NOB1: variants seen among roughly 807,000 people sequenced by gnomAD.
NOB1 encodes NIN1 (RPN12) binding protein 1 homolog.
NOB1 carries 44 observed loss-of-function variants against 44.8 expected under a neutral mutation model. That is an observed-to-expected ratio of 0.98 (90% CI 0.77 to 1.26). NOB1 has a LOEUF of 1.26. NOB1 is among the 50% of genes most tolerant of loss of function. The probability of loss-of-function intolerance (pLI) is 0.00; values close to 1 mark genes in which losing one functional copy is unlikely to be tolerated. For missense variants in NOB1, 560 were observed against 544.8 expected (o/e 1.03, Z -0.28); for synonymous variants, 238 against 218.7 (o/e 1.09, Z -0.78).
intron 7 of NOB1, among the ~76,000 whole-genome samples, chr16:69,746,671 C>G (rs1239305435): frequency 6.6e-6 from 1 of 150,524 alleles, no homozygotes; most frequent in Non-Finnish European, 1.5e-5. Context: ...TTTGGGAGGC[C>G]GAGGCAGGCA....
rs143835069 is a variant in NOB1 at position 69,749,032 on chromosome 16, G to A, written c.612C>T (p.Asp204=). 97 of 1,614,206 alleles carry A rather than the reference G, an allele frequency of 6.0e-5. No homozygotes were observed. Among genetic ancestry groups the A allele is most frequent in the African/African-American group, 2.9e-4 (22 of 75,070 alleles). The part of the protein sequence containing the change: ...FEDRKDDSDD[D]GGGWITPSNI... ...TACTGGGGGTTATCCAGCCACCCCC[G>A]TCGTCATCGCTGTCATCTTTTCTGT... The change falls in exon 6 of 9, where the codon GAC becomes GAT. Residue 204 remains aspartate, a synonymous_variant. Transcript: ENST00000268802.
In NOB1 at chr16:69,742,300, G is replaced by A. The variant is rs762987809; in HGVS notation, c.*32C>T. The A allele has an allele frequency of 2.4e-5, 39 of 1,597,944 alleles. No individual in the cohort carries two copies. Among genetic ancestry groups the A allele is most frequent in the Non-Finnish European group, 2.7e-5 (32 of 1,168,886 alleles). On this transcript the variant is annotated 3_prime_UTR_variant, in exon 9 of 9. Coordinates refer to ENST00000268802, the MANE Select transcript of NOB1 (RefSeq NM_014062.3). ...CACCGGAACTCCACGGCGGCCAGAC[G>A]CCCATCCAATTTGCCTGCGGGAACT... is the stretch of plus-strand genomic sequence containing the variant.
At position 69,742,510 on chromosome 16, in the gene NOB1, T is replaced by G; in HGVS notation, c.1061A>C (p.Lys354Thr). The part of the protein sequence containing the change: ...QRFPQLRLSQ[K>T]ARQKTNVFAP... ...GAACACGTTGGTTTTCTGCCTGGCCTTTTGGGAGAGTCGCAGCTGAGGGAA... is the reference window on the plus strand; with the variant it reads ...GAACACGTTGGTTTTCTGCCTGGCCGTTTGGGAGAGTCGCAGCTGAGGGAA... Residue 354 changes from lysine (K) to threonine (T), a missense_variant, in exon 9 of 9, where the codon AAG becomes ACG. Physicochemically the swap from Lys to Thr is moderately conservative, Grantham distance 78. Transcript: ENST00000268802. 8.1e-6 allele frequency: 13 copies of G among 1,614,120 alleles called. No individual in the cohort carries two copies. Among genetic ancestry groups the G allele is most frequent in the Non-Finnish European group, 1.1e-5 (13 of 1,180,020 alleles).
intron 8 of NOB1, 135 bp from the exon 9 acceptor site, chr16:69,742,736 A>C (rs1304381013): frequency 1.5e-5 from 13 of 855,696 alleles, no homozygotes; most frequent in Non-Finnish European, 2.0e-5. Context: ...ACTGCCTACC[A>C]TGTGCTACGT....
intron 4 of NOB1, 84 bp from the exon 5 acceptor site, chr16:69,749,422 A>G: frequency 6.4e-7 from 1 of 1,564,510 alleles, no homozygotes; most frequent in Non-Finnish European, 8.7e-7. Flanking sequence ...CATATGATAT[A>G]CAAGTCAGAT....
At position 69,744,733 on chromosome 16, in the gene NOB1, T is replaced by A. The variant is rs143809123; in HGVS notation, c.969+140A>T. Reference sequence around the variant, plus strand: ...TCATGAGATGGCATCTGTCACACACTCTCCCCACTCCGTCTTGGTACCTAG... The same window carrying A: ...TCATGAGATGGCATCTGTCACACACACTCCCCACTCCGTCTTGGTACCTAG... On this transcript the variant is annotated intron_variant, in intron 8 of 8. Coordinates refer to ENST00000268802, the MANE Select transcript of NOB1 (RefSeq NM_014062.3). The A allele has an allele frequency of 2.1e-4, 182 of 848,330 alleles. 1 individual carries two copies. The East Asian group carries it at 2.5e-3, about 12-fold the overall frequency. The allele number at this position is 848,330 out of a possible 1,614,324, so 52.6% of individuals were successfully genotyped here.
intron 8 of NOB1, among the ~76,000 whole-genome samples, chr16:69,743,323 T>C (rs2038400583): frequency 6.6e-6 from 1 of 152,210 alleles, no homozygotes; most frequent in Admixed American, 6.5e-5. Context: ...ATAATCACTA[T>C]AATAACTGTT....
intron 7 of NOB1, among the ~76,000 whole-genome samples, chr16:69,746,735 G>C (rs555472300): frequency 6.6e-6 from 1 of 152,036 alleles, no homozygotes; most frequent in African/African-American, 2.4e-5. Flanking sequence ...GTGAAACCCT[G>C]TCACTACTAA....
At chr16:69,754,049 C>T (rs890838219) in intron 2 of NOB1, among the ~76,000 whole-genome samples, 1 of 152,224 alleles carries the variant, frequency 6.6e-6, no homozygotes, top group Admixed American at 6.5e-5. Context: ...AGGTGATGCG[C>T]CCGCCTCGGT....
chr16:69,743,821 T>A (rs2038405563), intron 8 of NOB1, among the ~76,000 whole-genome samples: 1 of 152,208 alleles, frequency 6.6e-6, no homozygotes, highest in African/African-American at 2.4e-5. Context: ...TGGAGTTGGG[T>A]CTGCAGATTA....
At position 69,752,379 on chromosome 16, in the gene NOB1, C is replaced by T; in HGVS notation, c.197-8G>A. On this transcript the variant is annotated splice_polypyrimidine_tract_variant and splice_region_variant and intron_variant, in intron 2 of 8. Coordinates refer to ENST00000268802, the MANE Select transcript of NOB1 (RefSeq NM_014062.3). ...TCTTTGAAAACTCAGTCACTGTAAA[C>T]AACAGATTTACATCTTCAGTTAGAG... 6.2e-7 allele frequency: 1 copy of T among 1,610,556 alleles called. No individual in the cohort carries two copies. The highest frequency in any genetic ancestry group is 2.2e-5 in the East Asian group (1 of 44,730).
At chr16:69,750,943 T>C (rs1388258575) in intron 3 of NOB1, among the ~76,000 whole-genome samples, 3 of 152,192 alleles carry the variant, frequency 2.0e-5, no homozygotes, top group African/African-American at 4.8e-5. Flanking sequence ...AAATAGACAA[T>C]GGGTGCAGGC....
At chr16:69,747,373 A>C (rs1461058699) in intron 7 of NOB1, among the ~76,000 whole-genome samples, 1 of 152,190 alleles carries the variant, frequency 6.6e-6, no homozygotes, top group Non-Finnish European at 1.5e-5. Flanking sequence ...CCTCGTCTCA[A>C]AGAAAAGAAT....
intron 3 of NOB1, among the ~76,000 whole-genome samples, chr16:69,750,000 A>ATT (rs369173907): frequency 0.82 from 107,605 of 131,482 alleles, 44,325 homozygotes; most frequent in Admixed American, 0.87. Context: ...AGGATACCCA[A>ATT]TTTTTTTTTT....
Position 69,748,981 on chromosome 16 carries a change from C to T in NOB1, c.663G>A (p.Leu221=). 6.2e-7 allele frequency: 1 copy of T among 1,614,198 alleles called. No individual in the cohort carries two copies. Among genetic ancestry groups the T allele is most frequent in the Non-Finnish European group, 8.5e-7 (1 of 1,180,004 alleles). The part of the protein sequence containing the change: ...PSNIKQIQQE[L]EQCDVPEDVR... Reference sequence around the variant, plus strand: ...CGTCCTCGGGGACGTCACACTGCTCCAGCTCCTGCTGGATCTGCTTGATGT... The same window carrying T: ...CGTCCTCGGGGACGTCACACTGCTCTAGCTCCTGCTGGATCTGCTTGATGT... Residue 221 remains leucine, a synonymous_variant, in exon 6 of 9, where the codon CTG becomes CTA. Transcript: ENST00000268802.
In NOB1 at chr16:69,742,263, G is replaced by A; in HGVS notation, c.*69C>T. ...GGGTGGTCCTGGAGACGACACGGCT[G>A]GGGAAATGGGTCACCGGAACTCCAC... is the stretch of plus-strand genomic sequence containing the variant. On this transcript the variant is annotated 3_prime_UTR_variant, in exon 9 of 9. Coordinates refer to ENST00000268802, the MANE Select transcript of NOB1 (RefSeq NM_014062.3). 1.3e-6 allele frequency: 2 copies of A among 1,560,154 alleles called. No individual in the cohort carries two copies. Among genetic ancestry groups the A allele is most frequent in the South Asian group, 2.4e-5 (2 of 82,620 alleles).
At chr16:69,743,163 A>G (rs1421542447) in intron 8 of NOB1, among the ~76,000 whole-genome samples, 1 of 152,218 alleles carries the variant, frequency 6.6e-6, no homozygotes, top group African/African-American at 2.4e-5. Flanking sequence ...TCAAAATGAC[A>G]GTGATAGATC....
rs142056738 is a variant in NOB1 at position 69,749,118 on chromosome 16, T to A, written c.526A>T (p.Ile176Phe). Residue 176 changes from isoleucine (I) to phenylalanine (F), a missense_variant and splice_region_variant, in exon 6 of 9, where the codon ATT becomes TTT. Physicochemically the swap from Ile to Phe is conservative, Grantham distance 21 (BLOSUM62 0). Transcript: ENST00000268802. ...NIDHELQELLIDRGEDVPSEE... is the reference protein window; with the variant it reads ...NIDHELQELLFDRGEDVPSEE... ...CTTGGAACGTCCTCACCTCTGTCAA[T>A]CTGAAACATCAACAGACCTTTCAAA... The A allele has an allele frequency of 4.3e-5, 69 of 1,614,206 alleles. No individual in the cohort carries two copies. Among genetic ancestry groups the A allele is most frequent in the Non-Finnish European group, 5.7e-5 (67 of 1,180,042 alleles).
At chr16:69,750,294 C>A (rs148063140) in intron 3 of NOB1, among the ~76,000 whole-genome samples, 1 of 151,726 alleles carries the variant, frequency 6.6e-6, no homozygotes, top group East Asian at 1.9e-4. Context: ...CAGGAGCCAC[C>A]GAGCCTGGCT....
Sources: gnomAD v4.1 joint callset for allele counts (sites outside exome capture counted in the v4.1 genomes callset) on GRCh38, gnomAD v4.1.1 for gene constraint, MANE v1.5 for transcripts, NCBI Gene and HGNC (gene_info 2026-07-23, HGNC 2026-07-21) for gene names.